Variants in CCDC171 observed in about 807,000 individuals in gnomAD.
CCDC171 encodes coiled-coil domain containing 171.
Under a neutral mutation model 168.2 loss-of-function variants are expected in CCDC171, and 177 were observed. The observed-to-expected ratio is 1.05, with a 90% CI of 0.93 to 1.19. CCDC171 has a LOEUF of 1.19. CCDC171 is among the 50% of genes most tolerant of loss of function. The pLI is 0.00. For missense variants in CCDC171, 1,991 were observed against 1,539.0 expected (o/e 1.29, Z -4.91); for synonymous variants, 687 against 540.8 (o/e 1.27, Z -3.75).
chr9:15,626,525 G>C (rs554352611), intron 7 of CCDC171, among the ~76,000 whole-genome samples: 3 of 152,110 alleles, frequency 2.0e-5, no homozygotes, highest in African/African-American at 7.2e-5. Context: ...TAGCATAAAG[G>C]GCTGTAGAAT....
At chr9:15,891,433 A>T (rs1479987545) in intron 24 of CCDC171, among the ~76,000 whole-genome samples, 1 of 152,144 alleles carries the variant, frequency 6.6e-6, no homozygotes, top group Non-Finnish European at 1.5e-5. Context: ...CAGAATTAGG[A>T]TGTGTCTTTG....
At chr9:15,944,539 AT>A (rs1828078296) in intron 25 of CCDC171, among the ~76,000 whole-genome samples, 2 of 151,958 alleles carry the variant, frequency 1.3e-5, no homozygotes, top group South Asian at 4.1e-4. Flanking sequence ...GGGATATATT[AT>A]TTTTATGAAC....
chr9:15,579,319 G>C (rs2040930046), intron 4 of CCDC171, among the ~76,000 whole-genome samples: 4 of 152,158 alleles, frequency 2.6e-5, no homozygotes, highest in African/African-American at 9.7e-5. Context: ...GAATCACAAA[G>C]GGATTTTTGT....
chr9:16,053,388 T>C (rs1833782791), intron 1 of CCDC171, among the ~76,000 whole-genome samples: 1 of 152,212 alleles, frequency 6.6e-6, no homozygotes. Flanking sequence ...GGGTGTCATG[T>C]ACAGGGAAGG....
chr9:15,618,933 A>C (rs1423295505), intron 6 of CCDC171, among the ~76,000 whole-genome samples: 4 of 151,710 alleles, frequency 2.6e-5, no homozygotes, highest in Non-Finnish European at 5.9e-5. Flanking sequence ...GGAGCTGCAG[A>C]CTGCCGCTGT....
chr9:15,656,806 C>A (rs914821865), intron 7 of CCDC171, among the ~76,000 whole-genome samples: 4 of 151,850 alleles, frequency 2.6e-5, no homozygotes, highest in South Asian at 4.2e-4. Context: ...GAAATGTTTC[C>A]TGTATTGATT....
intron 24 of CCDC171, among the ~76,000 whole-genome samples, chr9:15,897,426 G>C (rs150411827): frequency 6.6e-6 from 1 of 152,114 alleles, no homozygotes; most frequent in East Asian, 1.9e-4. Flanking sequence ...TGGAAGTGTG[G>C]AAGTTATATG....
intron 21 of CCDC171, among the ~76,000 whole-genome samples, chr9:15,834,254 G>C (rs1188781075): frequency 6.6e-6 from 1 of 151,980 alleles, no homozygotes; most frequent in Non-Finnish European, 1.5e-5. Flanking sequence ...ATTTGTAGTG[G>C]AATGAGGATA....
chr9:15,836,911 C>A (rs2060477156), intron 21 of CCDC171, among the ~76,000 whole-genome samples: 1 of 152,198 alleles, frequency 6.6e-6, no homozygotes, highest in South Asian at 2.1e-4. Flanking sequence ...ATAAAATCTA[C>A]TGCGGTAACT....
chr9:15,565,733 T>C (rs528984068), intron 2 of CCDC171, among the ~76,000 whole-genome samples: 2 of 152,344 alleles, frequency 1.3e-5, no homozygotes, highest in African/African-American at 4.8e-5. Context: ...ATTGTATGGA[T>C]ATGCCACATT....
chr9:15,943,373 G>C (rs1827939480), intron 25 of CCDC171, among the ~76,000 whole-genome samples: 1 of 151,996 alleles, frequency 6.6e-6, no homozygotes, highest in Non-Finnish European at 1.5e-5. Context: ...AGGATGATAA[G>C]AAATTGTGCT....
chr9:16,069,206 A>T, the CCDC171 span, among the ~76,000 whole-genome samples: 1 of 152,260 alleles, frequency 6.6e-6, no homozygotes, highest in Non-Finnish European at 1.5e-5. Context: ...ATTCTCAGAA[A>T]AAAACATCTC....
intron 18 of CCDC171, among the ~76,000 whole-genome samples, chr9:15,747,601 A>G (rs891143705): frequency 2.6e-5 from 4 of 152,222 alleles, no homozygotes; most frequent in African/African-American, 9.6e-5. Flanking sequence ...GGTGATACCT[A>G]GGCACACAGG....
At chr9:15,813,258 A>T (rs982121289) in intron 21 of CCDC171, among the ~76,000 whole-genome samples, 19 of 152,318 alleles carry the variant, frequency 1.2e-4, no homozygotes, top group African/African-American at 4.1e-4. Context: ...ATATTGTCTT[A>T]CCTTTCTGGC....
intron 11 of CCDC171, 122 bp from the exon 12 acceptor site, chr9:15,721,647 G>A (rs944532273): frequency 1.3e-5 from 5 of 392,620 alleles, no homozygotes; most frequent in Non-Finnish European, 1.9e-5. Flanking sequence ...GTATGGCCAA[G>A]TATTAATAGT....
chr9:16,053,172 C>G (rs544661334), intron 1 of CCDC171, among the ~76,000 whole-genome samples: 1 of 152,366 alleles, frequency 6.6e-6, no homozygotes, highest in Non-Finnish European at 1.5e-5. Flanking sequence ...TATTGGAGAT[C>G]TACAGGCAGC....
chr9:15,627,124 C>T (rs1358376177), intron 7 of CCDC171, among the ~76,000 whole-genome samples: 1 of 152,186 alleles, frequency 6.6e-6, no homozygotes, highest in Non-Finnish European at 1.5e-5. Context: ...ATAGTATTCT[C>T]TGATGGTAGT....
chr9:15,625,572 G>T (rs938568982), intron 7 of CCDC171, among the ~76,000 whole-genome samples: 1 of 152,168 alleles, frequency 6.6e-6, no homozygotes, highest in Non-Finnish European at 1.5e-5. Context: ...ATTAAAGAGG[G>T]AGTCCTTTCC....
intron 7 of CCDC171, among the ~76,000 whole-genome samples, chr9:15,633,867 C>T (rs1257859249): frequency 6.6e-6 from 1 of 152,180 alleles, no homozygotes; most frequent in Non-Finnish European, 1.5e-5. Flanking sequence ...AGTTCATGTC[C>T]TTTGTAGGGA....
Sources: allele counts gnomAD v4.1 joint callset (sites outside exome capture counted in the v4.1 genomes callset), GRCh38; gene constraint gnomAD v4.1.1; transcripts MANE v1.5; gene names NCBI Gene and HGNC (gene_info 2026-07-23, HGNC 2026-07-21).